SLC8A3: variants seen among roughly 807,000 people sequenced by gnomAD.
The protein encoded by SLC8A3 is sodium/calcium exchanger 3.
In SLC8A3, 37 loss-of-function variants were observed where a neutral mutation model predicts 65.4. The ratio of observed to expected loss-of-function variants is 0.57; its 90% CI spans 0.44 to 0.74. SLC8A3 has a LOEUF of 0.74. SLC8A3 is among the 30% of genes least tolerant of loss of function. The pLI is 0.00. For synonymous variants in SLC8A3, 461 were observed against 444.5 expected, an observed-to-expected ratio of 1.04 and a Z score of -0.47; for missense variants, 1,112 against 1,172.1, an observed-to-expected ratio of 0.95 and a Z score of 0.75.
At chr14:70,151,006 G>T (rs889807331) in intron 2 of SLC8A3, among the ~76,000 whole-genome samples, 1 of 152,152 alleles carries the variant, frequency 6.6e-6, no homozygotes, top group Admixed American at 6.5e-5. Context: ...TGTAATCCCC[G>T]CACTTTGAGA....
intron 1 of SLC8A3, among the ~76,000 whole-genome samples, chr14:70,184,543 T>C (rs962178236): frequency 5.9e-5 from 9 of 152,214 alleles, no homozygotes; most frequent in Non-Finnish European, 1.2e-4. Flanking sequence ...TCTCCTCTTT[T>C]CTTTCACCAA....
chr14:70,075,963 C>T (rs976366004), intron 2 of SLC8A3, among the ~76,000 whole-genome samples: 1 of 152,122 alleles, frequency 6.6e-6, no homozygotes, highest in Non-Finnish European at 1.5e-5. Flanking sequence ...TAACAAGTTC[C>T]CAGGTAACAT....
At chr14:70,067,667 A>G (rs1191208811) in intron 2 of SLC8A3, among the ~76,000 whole-genome samples, 1 of 152,216 alleles carries the variant, frequency 6.6e-6, no homozygotes, top group African/African-American at 2.4e-5. Context: ...GGCTACTTTC[A>G]TGGAATGCCC....
chr14:70,062,798 G>A (rs932308543), intron 2 of SLC8A3, among the ~76,000 whole-genome samples: 3 of 152,266 alleles, frequency 2.0e-5, no homozygotes, highest in African/African-American at 7.2e-5. Flanking sequence ...CCCTAGATAT[G>A]GGACCCCAGG....
In SLC8A3 at chr14:70,046,244, G is replaced by T. The variant is rs112896508; in HGVS notation, c.2469C>A (p.Ala823=). Residue 823 remains alanine (A), a synonymous_variant, in exon 7 of 7, where the codon GCC becomes GCA. Transcript: ENST00000356921. This position sits in a 1 kb window ranked among gnomAD's most constrained non-coding sequence, Gnocchi z 4.2. ...ASIGNVTGSN[A]VNVFLGIGLA... ...GGCCGATGCCCAGGAAGACATTGAC[G>T]GCGTTGCTGCCCGTCACGTTGCCAA... 3 of 1,614,210 alleles carry T rather than the reference G, an allele frequency of 1.9e-6. No homozygotes were observed. The South Asian group carries it at 3.3e-5, about 18-fold the overall frequency.
chr14:70,160,540 C>A (rs145983728), intron 2 of SLC8A3, among the ~76,000 whole-genome samples: 1 of 152,110 alleles, frequency 6.6e-6, no homozygotes, highest in African/African-American at 2.4e-5. Flanking sequence ...TTGGTATCCT[C>A]GGAGTAGTTC....
At chr14:70,131,419 T>C (rs1203391469) in intron 2 of SLC8A3, among the ~76,000 whole-genome samples, 1 of 152,172 alleles carries the variant, frequency 6.6e-6, no homozygotes, top group African/African-American at 2.4e-5. Flanking sequence ...CTGGGGTAGA[T>C]AATTTAACTT....
intron 1 of SLC8A3, among the ~76,000 whole-genome samples, chr14:70,180,540 CA>C (rs1882659155): frequency 6.6e-6 from 1 of 152,190 alleles, no homozygotes; most frequent in South Asian, 2.1e-4. Flanking sequence ...AGTTTCTTTT[CA>C]GGGGCTAAAA....
At chr14:70,164,732 C>T (rs866326164) in intron 2 of SLC8A3, among the ~76,000 whole-genome samples, 24 of 152,258 alleles carry the variant, frequency 1.6e-4, no homozygotes, top group Admixed American at 3.3e-4. Context: ...ACCACAAGTC[C>T]GTCAAATTAT....
chr14:70,145,980 G>A (rs1895901922), intron 2 of SLC8A3, among the ~76,000 whole-genome samples: 1 of 152,042 alleles, frequency 6.6e-6, no homozygotes, highest in South Asian at 2.1e-4. Flanking sequence ...AGGGAAGAAG[G>A]AAGGAAGGAA....
intron 2 of SLC8A3, among the ~76,000 whole-genome samples, chr14:70,123,643 T>C (rs1233679574): frequency 6.6e-6 from 1 of 152,064 alleles, no homozygotes; most frequent in Non-Finnish European, 1.5e-5. Flanking sequence ...AGAGACAGGG[T>C]TTCACCACGT....
At chr14:70,056,449 A>G (rs1451860616) in intron 3 of SLC8A3, among the ~76,000 whole-genome samples, 1 of 152,162 alleles carries the variant, frequency 6.6e-6, no homozygotes, top group African/African-American at 2.4e-5. Context: ...ATTTCCCCTA[A>G]AAGAATGACT....
At chr14:70,144,740 T>G (rs945607171) in intron 2 of SLC8A3, among the ~76,000 whole-genome samples, 2 of 152,206 alleles carry the variant, frequency 1.3e-5, no homozygotes, top group African/African-American at 2.4e-5. Context: ...TTTCATGATA[T>G]TTAACAGTCA....
intron 2 of SLC8A3, among the ~76,000 whole-genome samples, chr14:70,067,499 T>C (rs1434879139): frequency 6.6e-6 from 1 of 152,186 alleles, no homozygotes; most frequent in Non-Finnish European, 1.5e-5. Flanking sequence ...GCTACAGTAG[T>C]CCCAGTGCCC....
At chr14:70,127,173 G>A (rs1233293420) in intron 2 of SLC8A3, among the ~76,000 whole-genome samples, 2 of 147,866 alleles carry the variant, frequency 1.4e-5, no homozygotes, top group East Asian at 4.1e-4. Context: ...GGGCAGAAAG[G>A]ATTGGGGGTA....
intron 2 of SLC8A3, among the ~76,000 whole-genome samples, chr14:70,090,030 A>G (rs978988363): frequency 1.3e-5 from 2 of 150,940 alleles, no homozygotes; most frequent in African/African-American, 4.8e-5. Context: ...TCCTGTAACT[A>G]CCCTTTCTGT....
chr14:70,124,398 C>T (rs749214943), intron 2 of SLC8A3, among the ~76,000 whole-genome samples: 4 of 152,246 alleles, frequency 2.6e-5, no homozygotes, highest in Admixed American at 6.5e-5. Context: ...CACTGCTTTA[C>T]TCAATCAGCC....
intron 3 of SLC8A3, among the ~76,000 whole-genome samples, chr14:70,055,586 A>G (rs959273661): frequency 2.6e-5 from 4 of 152,218 alleles, no homozygotes; most frequent in African/African-American, 9.6e-5. Flanking sequence ...GTCCCCAGAC[A>G]GAAGTGATGC....
intron 3 of SLC8A3, among the ~76,000 whole-genome samples, chr14:70,057,507 G>A (rs536111904): frequency 1.3e-5 from 2 of 152,124 alleles, no homozygotes; most frequent in Non-Finnish European, 2.9e-5. Flanking sequence ...ACATGCCACC[G>A]AACATCTGGC....
Sources: allele counts gnomAD v4.1 joint callset (sites outside exome capture counted in the v4.1 genomes callset), GRCh38; gene constraint gnomAD v4.1.1; non-coding constraint Gnocchi (gnomAD v3.1); transcripts MANE v1.5; gene names NCBI Gene and HGNC (gene_info 2026-07-23, HGNC 2026-07-21).